NAV3: variants seen among roughly 807,000 people sequenced by gnomAD.
NAV3 encodes neuron navigator 3.
A neutral mutation model predicts 244.7 loss-of-function variants in NAV3; 87 were observed. The observed-to-expected ratio is 0.36, with a 90% CI of 0.30 to 0.42. The LOEUF (loss-of-function observed/expected upper bound fraction) is 0.42. NAV3 is among the 20% of genes least tolerant of loss of function. The pLI is 1.00. For synonymous variants in NAV3, 1,126 were observed against 1,042.2 expected (o/e 1.08, Z -1.55); for missense variants, 2,663 against 2,893.3 (o/e 0.92, Z 1.83).
At chr12:77,873,656 A>C (rs1881333829) in intron 1 of NAV3, among the ~76,000 whole-genome samples, 1 of 136,818 alleles carries the variant, frequency 7.3e-6, no homozygotes, top group South Asian at 2.4e-4. Context: ...TAGTATTTTT[A>C]TATATATACA....
intron 3 of NAV3, among the ~76,000 whole-genome samples, chr12:77,953,495 T>A (rs1367667099): frequency 4.6e-5 from 7 of 152,186 alleles, no homozygotes; most frequent in Non-Finnish European, 1.0e-4. Context: ...CCAGTTTAAC[T>A]GCAAAATTTT....
chr12:77,858,040 A>G (rs2136306052), intron 1 of NAV3, among the ~76,000 whole-genome samples: 1 of 152,234 alleles, frequency 6.6e-6, no homozygotes, highest in Admixed American at 6.6e-5. Context: ...GACAAAATAC[A>G]ATCCATATTT....
At chr12:77,912,818 C>T (rs1270775) in intron 1 of NAV3, among the ~76,000 whole-genome samples, 2 of 151,702 alleles carry the variant, frequency 1.3e-5, no homozygotes, top group African/African-American at 4.8e-5. Context: ...CACCATATTG[C>T]TCAGGCTGGT....
In NAV3 at chr12:78,092,491, C is replaced by CTTTT. The variant is rs71088358; in HGVS notation, c.2637-24258_2637-24255dup. 2.3e-3 allele frequency among the ~76,000 whole-genome samples: 146 copies of CTTTT among 64,032 alleles called. 10 individuals are homozygous for CTTTT. Among genetic ancestry groups the CTTTT allele is most frequent in the Non-Finnish European group, 2.5e-3 (82 of 32,532 alleles). 42.0% of individuals were successfully genotyped at this position (64,032 alleles called of 152,430 possible). A position where few individuals can be genotyped will look rare whatever the true frequency, so the allele number is the denominator to read the frequency against. ...ACCCTTTGAAAGCGTTAGTTATTTT[C>CTTTT]TTTTTTTTTTTTTTTTTTTTTTTTT... is the stretch of plus-strand genomic sequence containing the variant. On this transcript the variant is annotated intron_variant, in intron 12 of 39. Transcript: ENST00000397909.
At chr12:78,084,604 C>T (rs779792431) in intron 12 of NAV3, among the ~76,000 whole-genome samples, 6 of 152,090 alleles carry the variant, frequency 3.9e-5, no homozygotes, top group Non-Finnish European at 7.4e-5. Context: ...CTTTCTCTCT[C>T]TCTCTGCTCT....
chr12:77,706,731 C>T (rs1327618140), intron 2 of NAV3, among the ~76,000 whole-genome samples: 2 of 149,990 alleles, frequency 1.3e-5, no homozygotes, highest in South Asian at 4.2e-4. Flanking sequence ...ATTAGCAGGG[C>T]GTGGTGGCGG....
At chr12:77,696,407 A>C (rs1198849677) in intron 2 of NAV3, among the ~76,000 whole-genome samples, 1 of 152,146 alleles carries the variant, frequency 6.6e-6, no homozygotes, top group Non-Finnish European at 1.5e-5. Flanking sequence ...GCCAGGAAGG[A>C]ACAAGGCCCT....
In NAV3 at chr12:77,937,173, A is replaced by G. The variant is rs1454374162; in HGVS notation, c.244-3146A>G. On this transcript the variant is annotated intron_variant, in intron 1 of 39. Coordinates refer to ENST00000397909, the MANE Select transcript of NAV3 (RefSeq NM_001024383.2). ...TTAAATTTGCATTAAATTTCTTTAT[A>G]TAGCCATTGCTCTCACTGATTGCAG... 2.0e-5 allele frequency among the ~76,000 whole-genome samples: 3 copies of G among 152,322 alleles called. No individual in the cohort carries two copies. The East Asian group carries it at 5.8e-4, about 29-fold the overall frequency.
intron 1 of NAV3, among the ~76,000 whole-genome samples, chr12:77,899,391 A>C (rs912591413): frequency 6.6e-6 from 1 of 152,166 alleles, no homozygotes; most frequent in Admixed American, 6.5e-5. Flanking sequence ...AGTCACCCCA[A>C]TTTCATCAAC....
At chr12:77,994,696 G>T in intron 5 of NAV3, 107 bp from the exon 6 acceptor site, 2 of 783,832 alleles carry the variant, frequency 2.6e-6, no homozygotes, top group Admixed American at 2.3e-5. Context: ...ATGTTTATAC[G>T]TGTTCCAATT....
rs148882480 is a variant in NAV3 at position 77,689,466 on chromosome 12, A to G, written c.72+117200A>G. Among the ~76,000 whole-genome samples the G allele has an allele frequency of 4.6e-5, 7 of 151,964 alleles. No individual in the cohort carries two copies. The East Asian group carries it at 1.4e-3, about 29-fold the overall frequency. On this transcript the variant is annotated intron_variant, in intron 2 of 8. Transcript: ENST00000550042. ...ATTAAAACCAATGCAAGAGAACCCA[A>G]ATTTCTCTAGGCAGTGGCTTTTATG...
intron 22 of NAV3, among the ~76,000 whole-genome samples, chr12:78,155,193 G>A (rs975198070): frequency 6.6e-6 from 1 of 151,766 alleles, no homozygotes; most frequent in Non-Finnish European, 1.5e-5. Context: ...CCACTGACAG[G>A]CCCTAGTGTG....
chr12:78,089,842 C>A (rs2137985648), intron 12 of NAV3, among the ~76,000 whole-genome samples: 1 of 152,280 alleles, frequency 6.6e-6, no homozygotes, highest in East Asian at 1.9e-4. Flanking sequence ...CCAACTTCAT[C>A]TTCCATTCCT....
At chr12:78,159,559 C>G (rs571535520) in intron 23 of NAV3, among the ~76,000 whole-genome samples, 16 of 151,870 alleles carry the variant, frequency 1.1e-4, no homozygotes, top group Admixed American at 1.1e-3. Flanking sequence ...ATCCCAGCTA[C>G]GCAGGAGGCT....
intron 1 of NAV3, among the ~76,000 whole-genome samples, chr12:77,897,382 G>T (rs112365962): frequency 2.6e-5 from 4 of 152,314 alleles, no homozygotes; most frequent in African/African-American, 9.6e-5. Context: ...TCATGCGATA[G>T]CTTTGAATAT....
chr12:78,030,587 G>A lies in NAV3; in HGVS notation c.2023+8725G>A, dbSNP rs1455881553. On this transcript the variant is annotated intron_variant, in intron 9 of 39. Transcript: ENST00000397909. ...ACTCAGAAGATTGTTGTGAGGTATG[G>A]TATTATTCCTCCATCAGTCTTTTCA... Among the ~76,000 whole-genome samples, 3 of 152,116 alleles carry A rather than the reference G, an allele frequency of 2.0e-5. No individual in the cohort carries two copies. The East Asian group carries it at 5.8e-4, about 29-fold the overall frequency.
intron 20 of NAV3, among the ~76,000 whole-genome samples, chr12:78,142,717 A>G (rs1171580737): frequency 1.8e-5 from 1 of 55,324 alleles, no homozygotes; most frequent in Non-Finnish European, 3.7e-5. Context: ...ATATATATAC[A>G]TATATATGTG....
intron 2 of NAV3, among the ~76,000 whole-genome samples, chr12:77,788,151 A>AT (rs1363613300): frequency 6.6e-6 from 1 of 152,202 alleles, no homozygotes; most frequent in Admixed American, 6.5e-5. Context: ...TCGTCATGGA[A>AT]TTGTACTGAA....
At chr12:78,131,178 T>TGGC (rs1278320278) in intron 18 of NAV3, among the ~76,000 whole-genome samples, 3 of 152,204 alleles carry the variant, frequency 2.0e-5, no homozygotes, top group Admixed American at 1.3e-4. Flanking sequence ...ACTTTCCAGC[T>TGGC]TTCAGCCAGG....
Sources: allele counts gnomAD v4.1 joint callset (sites outside exome capture counted in the v4.1 genomes callset), GRCh38; gene constraint gnomAD v4.1.1; transcripts MANE v1.5; gene names NCBI Gene and HGNC (gene_info 2026-07-23, HGNC 2026-07-21).